DNAH5: variants seen among roughly 807,000 people sequenced by gnomAD.
DNAH5 encodes axonemal beta dynein heavy chain 5.
Under a neutral mutation model 518.2 loss-of-function variants are expected in DNAH5, and 372 were observed. The ratio of observed to expected loss-of-function variants is 0.72; its 90% CI spans 0.66 to 0.78. The LOEUF (loss-of-function observed/expected upper bound fraction) is 0.78, where lower values mean the gene tolerates loss of function less well. Among genes scored for constraint, DNAH5 ranks in the 30% least tolerant of loss-of-function variants. The pLI, the probability that DNAH5 is intolerant of heterozygous loss-of-function variation, is 0.00. For synonymous variants in DNAH5, 2,039 were observed against 2,025.9 expected (o/e 1.01, Z -0.17); for missense variants, 5,523 against 5,687.0 (o/e 0.97, Z 0.93).
chr5:13,722,630 A>C (rs1467920785), intron 70 of DNAH5, among the ~76,000 whole-genome samples: 1 of 152,216 alleles, frequency 6.6e-6, no homozygotes, highest in African/African-American at 2.4e-5. Flanking sequence ...CCAGGTAAAG[A>C]GTGTCTGAAA....
chr5:13,839,666 T>C (rs1764901515), intron 34 of DNAH5, 138 bp from the exon 35 acceptor site: 2 of 729,622 alleles, frequency 2.7e-6, no homozygotes, highest in East Asian at 5.4e-5. Flanking sequence ...GTGTCAACTG[T>C]ATCACCAGCC....
At chr5:13,925,619 T>C (rs978039856) in intron 3 of DNAH5, among the ~76,000 whole-genome samples, 1 of 152,108 alleles carries the variant, frequency 6.6e-6, no homozygotes, top group Non-Finnish European at 1.5e-5. Context: ...GATTTCCCCT[T>C]ATCAAACCAT....
chr5:13,735,999 T>A, intron 66 of DNAH5, 67 bp from the exon 67 acceptor site: 1 of 1,307,992 alleles, frequency 7.6e-7, no homozygotes, highest in Non-Finnish European at 1.1e-6. Flanking sequence ...TGCAAAGAGA[T>A]CAGCCTAAAC....
chr5:13,838,804 G>C (rs149688335), intron 35 of DNAH5, among the ~76,000 whole-genome samples: 2 of 151,984 alleles, frequency 1.3e-5, no homozygotes, highest in East Asian at 3.9e-4. Context: ...AGAAAGGCTG[G>C]GGACCACTGG....
intron 38 of DNAH5, among the ~76,000 whole-genome samples, chr5:13,825,857 TA>T (rs1312043068): frequency 6.6e-6 from 1 of 152,202 alleles, no homozygotes; most frequent in Admixed American, 6.5e-5. Flanking sequence ...AATTTAATTT[TA>T]TATGCTTTTA....
At position 13,806,188 on chromosome 5, in the gene DNAH5, A is replaced by G. The variant is rs556724759; in HGVS notation, c.7887+1403T>C. On this transcript the variant is annotated intron_variant, in intron 47 of 78. Transcript: ENST00000265104. ...GTAAAGCGGTATTAAAGGAACACAT[A>G]TAACGTTAGCATCTTGCCAGCCTAG... Among the ~76,000 whole-genome samples, 10 of 152,334 alleles carry G rather than the reference A, an allele frequency of 6.6e-5. No homozygotes were observed. The South Asian group carries it at 1.9e-3, about 28-fold the overall frequency.
In DNAH5 at chr5:13,819,245, A is replaced by C. The variant is rs141667061; in HGVS notation, c.6841+1101T>G. On this transcript the variant is annotated intron_variant, in intron 41 of 78. Coordinates refer to ENST00000265104, the MANE Select transcript of DNAH5 (RefSeq NM_001369.3). ...AATCCCAAAACAGAATCTTAACAGC[A>C]TACATGAAAAACCACGTGATAAGTC... Among the ~76,000 whole-genome samples the C allele has an allele frequency of 4.5e-3, 690 of 152,320 alleles. 8 individuals are homozygous for C. The highest frequency in any genetic ancestry group is 0.024 in the Admixed American group (369 of 15,306).
chr5:13,843,387 C>T (rs1358864473), intron 32 of DNAH5, among the ~76,000 whole-genome samples: 1 of 152,122 alleles, frequency 6.6e-6, no homozygotes, highest in Non-Finnish European at 1.5e-5. Context: ...ATGCACCTGG[C>T]CTTTGGAATC....
chr5:13,693,197 C>A (rs965390003), intron 78 of DNAH5, among the ~76,000 whole-genome samples: 2 of 152,342 alleles, frequency 1.3e-5, no homozygotes, highest in Admixed American at 6.5e-5. Flanking sequence ...AATTAAAAAA[C>A]CCTCACTTAA....
At chr5:13,908,701 A>G (rs1029043377) in intron 12 of DNAH5, among the ~76,000 whole-genome samples, 5 of 152,144 alleles carry the variant, frequency 3.3e-5, no homozygotes, top group Non-Finnish European at 7.4e-5. Flanking sequence ...TAGACTTCCA[A>G]CAGCCCACTT....
intron 68 of DNAH5, among the ~76,000 whole-genome samples, chr5:13,734,601 G>A (rs1167358457): frequency 1.3e-5 from 2 of 152,104 alleles, no homozygotes; most frequent in African/African-American, 4.8e-5. Flanking sequence ...CAGAGGCCCT[G>A]ACCTGATGCC....
Position 13,944,517 on chromosome 5 carries a change from A to G in DNAH5, c.-79T>C, listed in dbSNP as rs1779759402. 8.1e-7 allele frequency: 1 copy of G among 1,241,698 alleles called. No homozygotes were observed. Among genetic ancestry groups the G allele is most frequent in the Non-Finnish European group, 1.2e-6 (1 of 852,958 alleles). The allele number at this position is 1,241,698 out of a possible 1,614,324, so 76.9% of individuals were successfully genotyped here. ...TCCTGGCAGACCTGCTCAACATCCA[A>G]CAGGCTTCCAAATGGAAAGTTTTAC... On this transcript the variant is annotated 5_prime_UTR_variant, in exon 1 of 79. Transcript: ENST00000265104.
chr5:13,968,771 T>C (rs1286899771), intron 1 of DNAH5, among the ~76,000 whole-genome samples: 1 of 152,184 alleles, frequency 6.6e-6, no homozygotes, highest in Non-Finnish European at 1.5e-5. Flanking sequence ...TGGCCTGTAG[T>C]TTTCTTTCTT....
intron 41 of DNAH5, among the ~76,000 whole-genome samples, chr5:13,818,909 T>C (rs2151810822): frequency 6.6e-6 from 1 of 152,356 alleles, no homozygotes; most frequent in Middle Eastern, 3.4e-3. Context: ...AAACAATGGT[T>C]CTTTAAGTAA....
At chr5:13,747,809 A>G (rs2126674037) in intron 65 of DNAH5, among the ~76,000 whole-genome samples, 1 of 152,254 alleles carries the variant, frequency 6.6e-6, no homozygotes, top group East Asian at 1.9e-4. Flanking sequence ...GTAGATTGCA[A>G]AAATGTTCTC....
intron 13 of DNAH5, 142 bp downstream of exon 13, chr5:13,901,911 T>G: frequency 1.5e-6 from 1 of 661,262 alleles, no homozygotes; most frequent in Non-Finnish European, 2.6e-6. Flanking sequence ...CTGAAAAACT[T>G]AAAAACTATG....
chr5:13,700,858 G>A lies in DNAH5; in HGVS notation c.13505C>T (p.Ala4502Val), dbSNP rs1742006845. Reference protein sequence around the residue: ...LTAMRQEITRANKGWALDNMV... With the variant: ...LTAMRQEITRVNKGWALDNMV... ...ATTGTCCAGAGCCCAGCCTTTGTTGGCCCGAGTTATTTCCTATTCAGGGCA... is the reference window on the plus strand; with the variant it reads ...ATTGTCCAGAGCCCAGCCTTTGTTGACCCGAGTTATTTCCTATTCAGGGCA... The change falls in exon 78 of 79, where the codon GCC (alanine) becomes GTC (valine). Residue 4502 changes from alanine to valine, a missense_variant. Transcript: ENST00000265104. The A allele has an allele frequency of 1.9e-6, 3 of 1,614,106 alleles. No individual in the cohort carries two copies. Among genetic ancestry groups the A allele is most frequent in the Non-Finnish European group, 2.5e-6 (3 of 1,179,986 alleles).
intron 1 of DNAH5, among the ~76,000 whole-genome samples, chr5:13,976,724 T>C (rs113885334): frequency 3.4e-4 from 37 of 109,798 alleles, no homozygotes; most frequent in East Asian, 6.6e-4. Flanking sequence ...CACACACACA[T>C]ACACACACAC....
At chr5:13,979,284 C>T (rs536584497) in intron 1 of DNAH5, among the ~76,000 whole-genome samples, 26 of 152,272 alleles carry the variant, frequency 1.7e-4, no homozygotes, top group Admixed American at 1.5e-3. Context: ...TTTCAATTCC[C>T]CCCACCATAC....
Sources: allele counts gnomAD v4.1 joint callset (sites outside exome capture counted in the v4.1 genomes callset), GRCh38; gene constraint gnomAD v4.1.1; transcripts MANE v1.5; gene names NCBI Gene and HGNC (gene_info 2026-07-23, HGNC 2026-07-21).